The following PPARG variants were observed in gnomAD, a reference collection of about 807,000 sequenced individuals.
PPARG encodes the protein peroxisome proliferator-activated receptor gamma.
In PPARG, 17 loss-of-function variants were observed where a neutral mutation model predicts 39.2. The observed-to-expected ratio is 0.43, with a 90% CI of 0.30 to 0.65. The LOEUF (loss-of-function observed/expected upper bound fraction) is 0.65, where lower values mean the gene tolerates loss of function less well. Among genes scored for constraint, PPARG ranks in the 30% least tolerant of loss-of-function variants. The pLI, the probability that PPARG is intolerant of heterozygous loss-of-function variation, is 0.13. For missense variants in PPARG, 406 were observed against 585.9 expected, an observed-to-expected ratio of 0.69 and a Z score of 3.17; for synonymous variants, 223 against 215.7, an observed-to-expected ratio of 1.03 and a Z score of -0.30.
chr3:12,308,370 AG>A (rs71628749), intron 1 of PPARG, among the ~76,000 whole-genome samples: 2,246 of 83,674 alleles, frequency 0.027, 199 homozygotes, highest in East Asian at 0.16. Context: ...AAAAAAAAAA[AG>A]GGAGAAACTG....
At chr3:12,424,322 G>A (rs2051363706) in intron 7 of PPARG, among the ~76,000 whole-genome samples, 1 of 152,174 alleles carries the variant, frequency 6.6e-6, no homozygotes, top group Non-Finnish European at 1.5e-5. Context: ...ATCTGTGACT[G>A]GTTGAGAAAT....
At chr3:12,295,677 C>T (rs2046761896) in intron 1 of PPARG, among the ~76,000 whole-genome samples, 1 of 151,938 alleles carries the variant, frequency 6.6e-6, no homozygotes. Context: ...CCACACCTGG[C>T]TAATTTTTTG....
chr3:12,329,477 C>G (rs191164196), intron 2 of PPARG, among the ~76,000 whole-genome samples: 1 of 152,252 alleles, frequency 6.6e-6, no homozygotes, highest in Admixed American at 6.5e-5. Context: ...TAGTTGTACA[C>G]TTATTACTGC....
intron 2 of PPARG, among the ~76,000 whole-genome samples, chr3:12,331,562 G>A (rs1324567445): frequency 1.3e-5 from 2 of 152,172 alleles, no homozygotes; most frequent in Non-Finnish European, 2.9e-5. Flanking sequence ...CATCATGCTG[G>A]CTGTAGTATG....
At chr3:12,428,177 T>G (rs2051522765) in intron 7 of PPARG, among the ~76,000 whole-genome samples, 1 of 152,230 alleles carries the variant, frequency 6.6e-6, no homozygotes, top group South Asian at 2.1e-4. Context: ...CGTTTGAATC[T>G]GCTTCAGATA....
intron 2 of PPARG, among the ~76,000 whole-genome samples, chr3:12,335,381 A>G (rs2047982087): frequency 6.6e-6 from 1 of 152,194 alleles, no homozygotes; most frequent in African/African-American, 2.4e-5. Context: ...GCTTTATTTT[A>G]CTGCCTTCAT....
At chr3:12,361,647 C>T (rs1481651505) in intron 2 of PPARG, among the ~76,000 whole-genome samples, 1 of 152,216 alleles carries the variant, frequency 6.6e-6, no homozygotes, top group Non-Finnish European at 1.5e-5. Flanking sequence ...AACCAGGTGA[C>T]CATATAGGTC....
At chr3:12,292,807 C>T (rs976673939) in intron 1 of PPARG, among the ~76,000 whole-genome samples, 4 of 152,190 alleles carry the variant, frequency 2.6e-5, no homozygotes, top group East Asian at 3.9e-4. Context: ...GGCTTGTGTG[C>T]GTGGGCCCCG....
intron 7 of PPARG, among the ~76,000 whole-genome samples, chr3:12,418,991 C>T (rs988190497): frequency 6.6e-6 from 1 of 152,160 alleles, no homozygotes; most frequent in African/African-American, 2.4e-5. Context: ...GTTGCCCAGG[C>T]TGGAGTGCAA....
chr3:12,429,137 T>C (rs2051562776), intron 7 of PPARG, among the ~76,000 whole-genome samples: 1 of 152,158 alleles, frequency 6.6e-6, no homozygotes, highest in Non-Finnish European at 1.5e-5. Flanking sequence ...TGATCTAACT[T>C]GTCATTGCAG....
chr3:12,297,115 T>C (rs1364255022), intron 1 of PPARG, among the ~76,000 whole-genome samples: 2 of 152,194 alleles, frequency 1.3e-5, no homozygotes, highest in South Asian at 4.1e-4. Flanking sequence ...AAAAGCATTG[T>C]TATAAGAACC....
chr3:12,325,380 C>T (rs981937669), intron 2 of PPARG, among the ~76,000 whole-genome samples: 6 of 152,168 alleles, frequency 3.9e-5, no homozygotes, highest in South Asian at 2.1e-4. Context: ...AAGATCACGC[C>T]GTTGCACTCT....
At chr3:12,426,837 T>C (rs1198299484) in intron 7 of PPARG, among the ~76,000 whole-genome samples, 1 of 152,170 alleles carries the variant, frequency 6.6e-6, no homozygotes, top group Non-Finnish European at 1.5e-5. Flanking sequence ...AACTGAAGTA[T>C]AGAAAGGTTA....
chr3:12,401,784 T>G (rs2050483679), intron 5 of PPARG, among the ~76,000 whole-genome samples: 2 of 152,230 alleles, frequency 1.3e-5, no homozygotes, highest in South Asian at 4.1e-4. Flanking sequence ...TTGGTTGCAC[T>G]GGTAGTTAAA....
intron 2 of PPARG, chr3:12,372,131 A>G: frequency 1.4e-6 from 1 of 719,524 alleles, no homozygotes; most frequent in East Asian, 2.7e-5. Context: ...CTTGTTGCCT[A>G]GCTGAACACA....
chr3:12,407,891 TA>T (rs773130887), intron 6 of PPARG, among the ~76,000 whole-genome samples: 3 of 152,018 alleles, frequency 2.0e-5, no homozygotes, highest in Non-Finnish European at 2.9e-5. Context: ...CTTTACAGTA[TA>T]AAAAAAACCT....
intron 3 of PPARG, 63 bp from the exon 4 acceptor site, chr3:12,381,259 C>A: frequency 6.6e-7 from 1 of 1,515,760 alleles, no homozygotes; most frequent in Non-Finnish European, 9.1e-7. Flanking sequence ...GGTGGCTTGC[C>A]CTGTTGCCTT....
chr3:12,390,335 A>T (rs887359489), intron 4 of PPARG, among the ~76,000 whole-genome samples: 1 of 152,190 alleles, frequency 6.6e-6, no homozygotes, highest in Non-Finnish European at 1.5e-5. Flanking sequence ...ATTTACAGGA[A>T]TATTTAGAGA....
Position 12,326,386 on chromosome 3 carries a change from A to G in PPARG, c.-9+13933A>G, listed in dbSNP as rs113068403. Among the ~76,000 whole-genome samples, 8 of 85,510 alleles carry G rather than the reference A, an allele frequency of 9.4e-5. 2 individuals carry two copies. The highest frequency in any genetic ancestry group is 3.2e-4 in the African/African-American group (8 of 25,074). The allele number at this position is 85,510 out of a possible 152,430, so 56.1% of individuals were successfully genotyped here. On this transcript the variant is annotated intron_variant, in intron 2 of 7. Transcript: ENST00000651735. Reference sequence around the variant, plus strand: ...AGCCAACTTTTAACTTTAATACTTCATACAGTGGAAAAGTTACAGCTGTAA... The same window carrying G: ...AGCCAACTTTTAACTTTAATACTTCGTACAGTGGAAAAGTTACAGCTGTAA...
Sources: gnomAD v4.1 joint callset for allele counts (sites outside exome capture counted in the v4.1 genomes callset) on GRCh38, gnomAD v4.1.1 for gene constraint, MANE v1.5 for transcripts, NCBI Gene and HGNC (gene_info 2026-07-23, HGNC 2026-07-21) for gene names.